The following TBCA variants were observed in gnomAD, a reference collection of about 807,000 sequenced individuals.
The protein encoded by TBCA is tubulin-specific chaperone A.
A neutral mutation model predicts 15.8 loss-of-function variants in TBCA; 6 were observed. The observed-to-expected ratio is 0.38, with a 90% CI of 0.21 to 0.75. The LOEUF (loss-of-function observed/expected upper bound fraction) is 0.75. Ranked by LOEUF, TBCA falls within the 30% of genes least tolerant of loss-of-function variation. The pLI is 0.46. For synonymous variants in TBCA, 32 were observed against 42.3 expected, an observed-to-expected ratio of 0.76 and a Z score of 0.94; for missense variants, 90 against 131.2, an observed-to-expected ratio of 0.69 and a Z score of 1.53.
chr5:77,749,395 A>C (rs164816), intron 1 of TBCA, among the ~76,000 whole-genome samples: 66,864 of 152,064 alleles, frequency 0.44, 14,865 homozygotes, highest in East Asian at 0.53. Context: ...TTCTGTGTTT[A>C]TATGTTTTGA....
intron 1 of TBCA, among the ~76,000 whole-genome samples, chr5:77,767,221 C>T (rs1483915180): frequency 3.3e-5 from 5 of 152,054 alleles, no homozygotes; most frequent in Non-Finnish European, 1.5e-5. Flanking sequence ...AGCTGAGGAA[C>T]ATTTAATGAA....
intron 2 of TBCA, among the ~76,000 whole-genome samples, chr5:77,704,917 A>G (rs549055840): frequency 4.3e-4 from 65 of 152,228 alleles, no homozygotes; most frequent in Non-Finnish European, 8.8e-4. Flanking sequence ...CCTGTTAAAA[A>G]ATATGATACC....
chr5:77,765,645 T>C (rs1246310278), intron 1 of TBCA, among the ~76,000 whole-genome samples: 2 of 152,180 alleles, frequency 1.3e-5, no homozygotes, highest in African/African-American at 4.8e-5. Flanking sequence ...TTCAAGTCTT[T>C]GAATTTGCTG....
intron 1 of TBCA, among the ~76,000 whole-genome samples, chr5:77,732,315 T>G (rs1036268715): frequency 6.6e-6 from 1 of 152,178 alleles, no homozygotes; most frequent in African/African-American, 2.4e-5. Flanking sequence ...TACTGCACTT[T>G]GCTGATGTTG....
rs544356887 is a variant in TBCA at position 77,753,323 on chromosome 5, T to C, written c.53+22882A>G. The stretch of plus-strand genomic sequence containing the variant: ...AAGCCCTTACTTTTCTTTAAGTCAA[T>C]TGATTAGAGCTCTTTCACACAGTTT... On this transcript the variant is annotated intron_variant, in intron 1 of 3. Transcript: ENST00000380377. 7.2e-5 allele frequency among the ~76,000 whole-genome samples: 11 copies of C among 152,364 alleles called. No homozygotes were observed. In the South Asian group the frequency reaches 2.1e-3, roughly 29 times the overall value.
intron 1 of TBCA, among the ~76,000 whole-genome samples, chr5:77,755,298 G>A (rs1747446515): frequency 6.6e-6 from 1 of 152,186 alleles, no homozygotes; most frequent in African/African-American, 2.4e-5. Context: ...TGCACAAGAG[G>A]CCAGGCACGG....
chr5:77,728,122 C>T (rs1214287346), intron 1 of TBCA, among the ~76,000 whole-genome samples: 1 of 151,970 alleles, frequency 6.6e-6, no homozygotes. Flanking sequence ...GCTAAAGAAA[C>T]ATGGAATAAA....
intron 2 of TBCA, chr5:77,693,590 G>A (rs1053625062): frequency 4.2e-5 from 20 of 477,428 alleles, no homozygotes; most frequent in Non-Finnish European, 6.8e-5. Flanking sequence ...CCTGAGGTCA[G>A]GAGGTTCAAG....
intron 1 of TBCA, among the ~76,000 whole-genome samples, chr5:77,718,278 T>G (rs190301447): frequency 6.6e-6 from 1 of 152,220 alleles, no homozygotes; most frequent in African/African-American, 2.4e-5. Context: ...AGGTGTTGAA[T>G]AGTAAAATAT....
At chr5:77,770,364 C>A (rs988778845) in intron 1 of TBCA, among the ~76,000 whole-genome samples, 1 of 152,170 alleles carries the variant, frequency 6.6e-6, no homozygotes, top group Non-Finnish European at 1.5e-5. Flanking sequence ...GTACAACATA[C>A]AACTCACAGT....
chr5:77,743,890 T>C (rs1747107659), intron 1 of TBCA, among the ~76,000 whole-genome samples: 1 of 152,186 alleles, frequency 6.6e-6, no homozygotes, highest in African/African-American at 2.4e-5. Flanking sequence ...AAGACAGATG[T>C]GGTCTCTGCC....
At chr5:77,707,535 T>C (rs1746177658) in intron 2 of TBCA, among the ~76,000 whole-genome samples, 1 of 152,010 alleles carries the variant, frequency 6.6e-6, no homozygotes, top group Non-Finnish European at 1.5e-5. Context: ...ATAAGGCACC[T>C]AAGAGGTTGA....
chr5:77,749,225 G>C (rs1241280781), intron 1 of TBCA, among the ~76,000 whole-genome samples: 1 of 152,200 alleles, frequency 6.6e-6, no homozygotes, highest in African/African-American at 2.4e-5. Context: ...CTGTTCACAA[G>C]AAGGTGATGA....
At chr5:77,764,582 T>C (rs148495392) in intron 1 of TBCA, among the ~76,000 whole-genome samples, 2 of 152,358 alleles carry the variant, frequency 1.3e-5, no homozygotes, top group African/African-American at 4.8e-5. Context: ...AACTAATTTA[T>C]AGAAAATTTC....
rs370154062 is a variant in TBCA, at chr5:77,756,978, G to A, written c.53+19227C>T. The stretch of plus-strand genomic sequence containing the variant: ...GGCAAAAGGGGTAAGGAGCAATAGA[G>A]TGTAAGAAAAGTAATGAAAGAACAA... On this transcript the variant is annotated intron_variant, in intron 1 of 3. Transcript: ENST00000380377. 1.1e-4 allele frequency among the ~76,000 whole-genome samples: 16 copies of A among 152,298 alleles called. No individual in the cohort carries two copies. In the East Asian group the frequency reaches 1.5e-3, roughly 15 times the overall value.
At chr5:77,727,169 G>A (rs865809601) in intron 1 of TBCA, among the ~76,000 whole-genome samples, 4 of 149,878 alleles carry the variant, frequency 2.7e-5, no homozygotes, top group Admixed American at 6.7e-5. Context: ...CCCAGGAGGC[G>A]GAGGTTGCAG....
At chr5:77,720,084 C>CT in intron 1 of TBCA, among the ~76,000 whole-genome samples, 1 of 152,246 alleles carries the variant, frequency 6.6e-6, no homozygotes, top group South Asian at 2.1e-4. Context: ...CTGAAGCAGG[C>CT]TGAAAACTGA....
At chr5:77,747,428 A>C (rs187715318) in intron 1 of TBCA, among the ~76,000 whole-genome samples, 1 of 152,156 alleles carries the variant, frequency 6.6e-6, no homozygotes, top group Non-Finnish European at 1.5e-5. Flanking sequence ...CATAGAATCT[A>C]AACTTTTAGA....
intron 1 of TBCA, among the ~76,000 whole-genome samples, chr5:77,747,281 T>C (rs1398979558): frequency 1.3e-5 from 2 of 152,124 alleles, no homozygotes; most frequent in Non-Finnish European, 2.9e-5. Flanking sequence ...GAAGAACTAC[T>C]ACTTTCACTA....
Sources: allele counts gnomAD v4.1 joint callset (sites outside exome capture counted in the v4.1 genomes callset), GRCh38; gene constraint gnomAD v4.1.1; transcripts MANE v1.5; gene names NCBI Gene and HGNC (gene_info 2026-07-23, HGNC 2026-07-21).